The following PLOD2 variants were observed in gnomAD, a reference collection of about 807,000 sequenced individuals.
The protein encoded by PLOD2 is lysine hydroxylase 2.
A neutral mutation model predicts 101.0 loss-of-function variants in PLOD2; 65 were observed. That is an observed-to-expected ratio of 0.64 (90% CI 0.53 to 0.79). PLOD2 has a LOEUF of 0.79. Among genes scored for constraint, PLOD2 ranks in the 30% least tolerant of loss-of-function variants. PLOD2 has a pLI of 0.00. For missense variants in PLOD2, 909 were observed against 914.6 expected (o/e 0.99, Z 0.08); for synonymous variants, 314 against 302.9 (o/e 1.04, Z -0.38).
At chr3:146,116,172 G>A (rs1937895810) in intron 3 of PLOD2, among the ~76,000 whole-genome samples, 1 of 151,964 alleles carries the variant, frequency 6.6e-6, no homozygotes, top group East Asian at 1.9e-4. Context: ...TATTTCCAGA[G>A]ATAATTAACA....
intron 4 of PLOD2, among the ~76,000 whole-genome samples, chr3:146,108,812 G>A (rs893583285): frequency 2.6e-5 from 4 of 152,078 alleles, no homozygotes; most frequent in African/African-American, 7.2e-5. Context: ...ATAAATTTAC[G>A]AGATTTCACT....
intron 1 of PLOD2, among the ~76,000 whole-genome samples, chr3:146,145,752 G>T (rs918093313): frequency 6.6e-6 from 1 of 151,954 alleles, no homozygotes; most frequent in African/African-American, 2.4e-5. Flanking sequence ...CTTCCTTAAT[G>T]AGCCAGAATT....
intron 1 of PLOD2, among the ~76,000 whole-genome samples, chr3:146,133,085 A>G (rs1384865587): frequency 6.6e-6 from 1 of 152,146 alleles, no homozygotes; most frequent in African/African-American, 2.4e-5. Flanking sequence ...CTGAGGCAGG[A>G]GAATGGCGTG....
chr3:146,097,127 G>T (rs1405615606), intron 7 of PLOD2, among the ~76,000 whole-genome samples: 1 of 135,578 alleles, frequency 7.4e-6, no homozygotes, highest in South Asian at 2.3e-4. Flanking sequence ...GGAGGGAGGT[G>T]GGGGGGTCAG....
chr3:146,086,279 A>G (rs920036249), intron 10 of PLOD2: 1 of 152,194 alleles, frequency 6.6e-6, no homozygotes, highest in Non-Finnish European at 1.5e-5. Context: ...TGAATACACG[A>G]TTTTTTTTAC....
At chr3:146,143,611 C>G (rs190050153) in intron 1 of PLOD2, among the ~76,000 whole-genome samples, 5 of 151,896 alleles carry the variant, frequency 3.3e-5, no homozygotes, top group African/African-American at 1.2e-4. Flanking sequence ...TTCTACTGGC[C>G]GGAATGATAT....
intron 3 of PLOD2, among the ~76,000 whole-genome samples, chr3:146,110,826 C>T (rs1360083876): frequency 3.9e-5 from 6 of 151,974 alleles, no homozygotes; most frequent in African/African-American, 1.5e-4. Flanking sequence ...CCATAACTGC[C>T]TAATATTTCA....
At chr3:146,115,531 C>CAA (rs1425187632) in intron 3 of PLOD2, among the ~76,000 whole-genome samples, 3 of 152,124 alleles carry the variant, frequency 2.0e-5, no homozygotes, top group Non-Finnish European at 4.4e-5. Flanking sequence ...GGAATCTTTT[C>CAA]CTTAATCCTA....
At chr3:146,132,206 C>T (rs2030953986) in intron 1 of PLOD2, among the ~76,000 whole-genome samples, 1 of 152,048 alleles carries the variant, frequency 6.6e-6, no homozygotes, top group African/African-American at 2.4e-5. Context: ...ATGCCCAGGG[C>T]TGAGGAGATT....
intron 5 of PLOD2, 62 bp from the exon 6 acceptor site, chr3:146,104,404 A>C: frequency 1.2e-6 from 1 of 839,502 alleles, no homozygotes; most frequent in South Asian, 1.3e-5. Context: ...CATTCCTATC[A>C]TATTAATATA....
chr3:146,085,498 C>T (rs1187141346), intron 10 of PLOD2: 1 of 531,346 alleles, frequency 1.9e-6, no homozygotes, highest in African/African-American at 2.0e-5. Context: ...AATTTTAAGC[C>T]AGTTAAAATA....
At chr3:146,109,144 C>T (rs1937584010) in intron 4 of PLOD2, among the ~76,000 whole-genome samples, 1 of 152,138 alleles carries the variant, frequency 6.6e-6, no homozygotes, top group African/African-American at 2.4e-5. Context: ...ATATGATAAA[C>T]CTTGGGTTCT....
chr3:146,144,682 G>C (rs1329875361), intron 1 of PLOD2, among the ~76,000 whole-genome samples: 1 of 151,980 alleles, frequency 6.6e-6, no homozygotes, highest in Non-Finnish European at 1.5e-5. Context: ...TCCCGTGACA[G>C]ATATAAAAAT....
intron 10 of PLOD2, chr3:146,086,580 A>G: frequency 6.1e-6 from 2 of 325,424 alleles, no homozygotes; most frequent in Non-Finnish European, 1.1e-5. Context: ...ACTCGTAGCC[A>G]TTAAAAGAAA....
At chr3:146,105,004 G>C (rs1047870131) in intron 5 of PLOD2, 1 of 152,134 alleles carries the variant, frequency 6.6e-6, no homozygotes, top group East Asian at 1.9e-4. Context: ...GAATACGAAT[G>C]CAACGACTGA....
At chr3:146,094,808 T>A (rs1937093289) in intron 7 of PLOD2, among the ~76,000 whole-genome samples, 1 of 152,154 alleles carries the variant, frequency 6.6e-6, no homozygotes, top group South Asian at 2.1e-4. Flanking sequence ...TCATGCTACC[T>A]GACTTCAAAC....
At chr3:146,111,242 C>T (rs1937627271) in intron 3 of PLOD2, among the ~76,000 whole-genome samples, 1 of 152,086 alleles carries the variant, frequency 6.6e-6, no homozygotes, top group Non-Finnish European at 1.5e-5. Context: ...CATTTTTTTA[C>T]ATCAGTGCAC....
intron 3 of PLOD2, among the ~76,000 whole-genome samples, chr3:146,119,518 T>C (rs932221622): frequency 6.6e-6 from 1 of 152,156 alleles, no homozygotes. Flanking sequence ...TGTATACATG[T>C]GCCATGTTGG....
At chr3:146,142,118 A>G (rs1181256011) in intron 1 of PLOD2, among the ~76,000 whole-genome samples, 2 of 152,100 alleles carry the variant, frequency 1.3e-5, no homozygotes, top group African/African-American at 4.8e-5. Context: ...CCAAATTATA[A>G]CTTTCAAAAA....
Sources: gnomAD v4.1 joint callset for allele counts (sites outside exome capture counted in the v4.1 genomes callset) on GRCh38, gnomAD v4.1.1 for gene constraint, MANE v1.5 for transcripts, NCBI Gene and HGNC (gene_info 2026-07-23, HGNC 2026-07-21) for gene names.